Variants in CACNB4 observed in about 807,000 individuals in gnomAD.
CACNB4 encodes the protein voltage-dependent L-type calcium channel subunit beta-4.
Under a neutral mutation model 71.2 loss-of-function variants are expected in CACNB4, and 32 were observed. That is an observed-to-expected ratio of 0.45 (90% CI 0.34 to 0.60). CACNB4 has a LOEUF of 0.60. CACNB4 is among the 20% of genes least tolerant of loss of function. The pLI is 0.01. For synonymous variants in CACNB4, 231 were observed against 236.9 expected (o/e 0.97, Z 0.23); for missense variants, 464 against 647.9 (o/e 0.72, Z 3.08).
intron 2 of CACNB4, among the ~76,000 whole-genome samples, chr2:151,939,398 G>A (rs75545402): frequency 1.8e-4 from 28 of 152,308 alleles, no homozygotes; most frequent in Middle Eastern, 3.4e-3. Context: ...CAGGAGGAGT[G>A]GAGGTGAAAC....
intron 2 of CACNB4, among the ~76,000 whole-genome samples, chr2:152,077,478 G>A (rs1043784424): frequency 6.6e-5 from 10 of 152,320 alleles, no homozygotes; most frequent in African/African-American, 1.9e-4. Context: ...ACTTGAACCC[G>A]GGAGGCAGAG....
chr2:152,060,594 A>T (rs1409562095), intron 2 of CACNB4, among the ~76,000 whole-genome samples: 1 of 152,228 alleles, frequency 6.6e-6, no homozygotes, highest in Non-Finnish European at 1.5e-5. Flanking sequence ...AGTGTACATT[A>T]GATTTTCAAC....
chr2:152,079,728 A>G (rs1229068965), intron 2 of CACNB4, among the ~76,000 whole-genome samples: 2 of 152,096 alleles, frequency 1.3e-5, no homozygotes, highest in Non-Finnish European at 2.9e-5. Flanking sequence ...TAAGGCCGCA[A>G]TGGGCGGTGA....
intron 2 of CACNB4, among the ~76,000 whole-genome samples, chr2:152,054,828 C>T (rs554426894): frequency 3.1e-4 from 47 of 152,174 alleles, no homozygotes; most frequent in Admixed American, 7.2e-4. Context: ...ACTAATGATA[C>T]GGAGCACTTT....
At chr2:151,901,223 G>A (rs1461289520) in intron 2 of CACNB4, among the ~76,000 whole-genome samples, 1 of 151,830 alleles carries the variant, frequency 6.6e-6, no homozygotes, top group African/African-American at 2.4e-5. Flanking sequence ...GAGCTCAAGC[G>A]ATCCACCCAC....
chr2:151,873,304 T>A (rs1052965372), intron 5 of CACNB4: 1 of 152,196 alleles, frequency 6.6e-6, no homozygotes, highest in African/African-American at 2.4e-5. Context: ...GTTTTGGATT[T>A]CCACTGTTTT....
chr2:151,957,775 C>T (rs2151686130), intron 2 of CACNB4, among the ~76,000 whole-genome samples: 1 of 152,312 alleles, frequency 6.6e-6, no homozygotes, highest in African/African-American at 2.4e-5. Flanking sequence ...ACGTTAACTT[C>T]ACTCTGTCCC....
chr2:151,989,627 C>T (rs1015909340), intron 2 of CACNB4, among the ~76,000 whole-genome samples: 7 of 152,216 alleles, frequency 4.6e-5, no homozygotes, highest in East Asian at 1.9e-4. Context: ...CCTCCTCTCC[C>T]TTAGCTTCAA....
rs763754263 is a variant in CACNB4 at position 151,876,451 on chromosome 2, G to T, written c.496C>A (p.Gln166Lys). ...CCTCCGTGAAAACGTCCTCTTTTTT[G>T]TTCTTGCTGGATCCGTATGTTCTCC... Reference protein sequence around the residue: ...RLENIRIQQEQKRGRFHGGKS... With the variant: ...RLENIRIQQEKKRGRFHGGKS... The change falls in exon 5 of 14, where the codon CAA (glutamine) becomes AAA (lysine). Residue 166 changes from glutamine (Q) to lysine (K), a missense_variant. Around this residue, in one of 3 missense-constraint regions of CACNB4, gnomAD observed 299 missense variants for 471.7 expected, o/e 0.63. Transcript: ENST00000539935. 1 of 1,599,026 alleles carries T rather than the reference G, an allele frequency of 6.3e-7. No individual in the cohort carries two copies. Among genetic ancestry groups the T allele is most frequent in the Non-Finnish European group, 8.5e-7 (1 of 1,170,652 alleles).
At chr2:152,046,063 T>A (rs1040345328) in intron 2 of CACNB4, among the ~76,000 whole-genome samples, 16 of 152,176 alleles carry the variant, frequency 1.1e-4, no homozygotes, top group African/African-American at 3.9e-4. Context: ...AAAAATAAAT[T>A]GATCATATAG....
intron 2 of CACNB4, among the ~76,000 whole-genome samples, chr2:151,995,134 C>T (rs577434066): frequency 6.6e-4 from 100 of 152,198 alleles, no homozygotes; most frequent in African/African-American, 2.4e-3. Context: ...AATATAAGTG[C>T]CAAAAAGGTT....
intron 2 of CACNB4, among the ~76,000 whole-genome samples, chr2:152,075,420 A>G (rs888182605): frequency 1.3e-5 from 2 of 152,240 alleles, no homozygotes; most frequent in African/African-American, 2.4e-5. Flanking sequence ...AGGGAGGAAG[A>G]AACAAATCCT....
rs149881022 is a variant in CACNB4, at chr2:151,890,215, C to T, written c.148-6845G>A. 6.6e-3 allele frequency among the ~76,000 whole-genome samples: 1,009 copies of T among 152,232 alleles called. 20 individuals carry two copies. The highest frequency in any genetic ancestry group is 0.023 in the African/African-American group (941 of 41,538). On this transcript the variant is annotated intron_variant, in intron 2 of 13. Coordinates refer to ENST00000539935, the MANE Select transcript of CACNB4 (RefSeq NM_000726.5). Reference sequence around the variant, plus strand: ...AAAAATGTTGGCTGAAAAAATAAGACAAGTTCTGCTTACAATCACAGCAGC... The same window carrying T: ...AAAAATGTTGGCTGAAAAAATAAGATAAGTTCTGCTTACAATCACAGCAGC...
intron 2 of CACNB4, among the ~76,000 whole-genome samples, chr2:151,939,858 G>A (rs985603504): frequency 2.6e-5 from 4 of 151,934 alleles, no homozygotes; most frequent in African/African-American, 9.7e-5. Flanking sequence ...ACAAATGGAA[G>A]GAATTAAGAA....
intron 2 of CACNB4, among the ~76,000 whole-genome samples, chr2:151,947,910 T>A (rs905353316): frequency 3.2e-4 from 48 of 152,276 alleles, no homozygotes; most frequent in African/African-American, 1.1e-3. Flanking sequence ...AGTGCAGAAA[T>A]GGCATACTGA....
At chr2:152,007,276 G>T (rs556849541) in intron 2 of CACNB4, among the ~76,000 whole-genome samples, 1 of 152,078 alleles carries the variant, frequency 6.6e-6, no homozygotes, top group Non-Finnish European at 1.5e-5. Flanking sequence ...CATTCAAATT[G>T]ATGTGCAACC....
In CACNB4 at chr2:152,098,579, C is replaced by CCCCCCCCCCAAA; in HGVS notation, c.64-167_64-166insTTTGGGGGGGGG. Reference sequence around the variant, plus strand: ...CCCAAATACAGCCCCCACCCCCACCCACCCACTGCAAGCCTCGACTGCTGA... The same window carrying CCCCCCCCCCAAA: ...CCCAAATACAGCCCCCACCCCCACCCCCCCCCCCCAAAACCCACTGCAAGCCTCGACTGCTGA... On this transcript the variant is annotated intron_variant, in intron 1 of 13. Coordinates refer to ENST00000539935, the MANE Select transcript of CACNB4 (RefSeq NM_000726.5). The surrounding 1 kb of genome is among the most constrained non-coding windows in gnomAD (Gnocchi z 5.3). The CCCCCCCCCCAAA allele has an allele frequency of 1.1e-6, 1 of 943,712 alleles. No individual in the cohort carries two copies. Among genetic ancestry groups the CCCCCCCCCCAAA allele is most frequent in the African/African-American group, 1.6e-5 (1 of 61,804 alleles). The allele number at this position is 943,712 out of a possible 1,614,324, so 58.5% of individuals were successfully genotyped here. A position where few individuals can be genotyped will look rare whatever the true frequency, so the allele number is the denominator to read the frequency against.
chr2:152,003,977 C>T (rs1258694816), intron 2 of CACNB4, among the ~76,000 whole-genome samples: 2 of 152,060 alleles, frequency 1.3e-5, no homozygotes, highest in Admixed American at 6.5e-5. Context: ...CCCAAGTACT[C>T]GGACCACAGG....
At chr2:151,919,163 C>T (rs2099858288) in intron 2 of CACNB4, among the ~76,000 whole-genome samples, 1 of 152,168 alleles carries the variant, frequency 6.6e-6, no homozygotes, top group South Asian at 2.1e-4. Flanking sequence ...GTTAGGCCTT[C>T]TGGGAATTCT....
Sources: allele counts gnomAD v4.1 joint callset (sites outside exome capture counted in the v4.1 genomes callset), GRCh38; gene constraint gnomAD v4.1.1; regional missense constraint gnomAD v4.1.1; non-coding constraint Gnocchi (gnomAD v3.1); transcripts MANE v1.5; gene names NCBI Gene and HGNC (gene_info 2026-07-23, HGNC 2026-07-21).